Variants in DLC1 observed in about 807,000 individuals in gnomAD.
DLC1 encodes the protein rho GTPase-activating protein 7.
In DLC1, 54 loss-of-function variants were observed where a neutral mutation model predicts 140.3. That is an observed-to-expected ratio of 0.38 (90% CI 0.31 to 0.48). The LOEUF (loss-of-function observed/expected upper bound fraction) is 0.48, where lower values mean the gene tolerates loss of function less well. Ranked by LOEUF, DLC1 falls within the 20% of genes least tolerant of loss-of-function variation. The pLI is 0.96. For synonymous variants in DLC1, 986 were observed against 728.1 expected (o/e 1.35, Z -5.70); for missense variants, 2,536 against 1,907.0 (o/e 1.33, Z -6.14).
chr8:13,161,174 A>T (rs1214084846), intron 5 of DLC1, among the ~76,000 whole-genome samples: 1 of 152,210 alleles, frequency 6.6e-6, no homozygotes, highest in Non-Finnish European at 1.5e-5. Flanking sequence ...CCTCACCCAA[A>T]ATATACCACC....
rs74447454 is a variant in DLC1, at chr8:13,255,177, G to T, written c.1348+50092C>A. On this transcript the variant is annotated intron_variant, in intron 5 of 17. Coordinates refer to ENST00000276297, the MANE Select transcript of DLC1 (RefSeq NM_182643.3). ...GTAGAGATGGGTTTCTGCCATGTTT[G>T]CCAGGCTGGTCTCGAACTCCTGACC... is the stretch of plus-strand genomic sequence containing the variant. Among the ~76,000 whole-genome samples, 206 of 152,118 alleles carry T rather than the reference G, an allele frequency of 1.4e-3. 1 individual carries two copies. The East Asian group carries it at 0.027, about 20-fold the overall frequency.
At chr8:13,221,698 ATATGTGTGTGTATATGTGTGTGTGTGTG>A (rs1424944021) in intron 5 of DLC1, among the ~76,000 whole-genome samples, 17 of 118,628 alleles carry the variant, frequency 1.4e-4, no homozygotes, top group Admixed American at 8.8e-4. Context: ...GTGTGTGTGT[ATATGTGTGTGTATATGTGTGTGTGTGTG>A]TATATATATA....
At chr8:13,297,333 A>T (rs1047510980) in intron 5 of DLC1, among the ~76,000 whole-genome samples, 1 of 145,496 alleles carries the variant, frequency 6.9e-6, no homozygotes, top group African/African-American at 2.5e-5. Context: ...GTGTAAAAAT[A>T]ATGAAATTCA....
At chr8:13,482,046 T>G (rs920645471) in intron 2 of DLC1, among the ~76,000 whole-genome samples, 1 of 152,198 alleles carries the variant, frequency 6.6e-6, no homozygotes, top group Non-Finnish European at 1.5e-5. Context: ...GAGCTAACCC[T>G]GCCCACACCT....
intron 5 of DLC1, among the ~76,000 whole-genome samples, chr8:13,128,041 CAA>C (rs34983688): frequency 7.2e-6 from 1 of 138,564 alleles, no homozygotes; most frequent in Admixed American, 7.2e-5. Flanking sequence ...TCTAGTAGAA[CAA>C]AAAAAAAAAC....
intron 1 of DLC1, among the ~76,000 whole-genome samples, chr8:13,514,057 T>G (rs892542729): frequency 6.6e-6 from 1 of 152,112 alleles, no homozygotes; most frequent in Non-Finnish European, 1.5e-5. Context: ...TAAATGAACC[T>G]TTTAAGCTGT....
chr8:13,524,678 C>G (rs1802866823), intron 1 of DLC1, among the ~76,000 whole-genome samples: 1 of 151,568 alleles, frequency 6.6e-6, no homozygotes, highest in African/African-American at 2.4e-5. Flanking sequence ...TTTTTGTATA[C>G]TCTCATTTTC....
intron 5 of DLC1, among the ~76,000 whole-genome samples, chr8:13,198,721 CTT>C (rs56695508): frequency 7.8e-5 from 11 of 141,082 alleles, no homozygotes; most frequent in Non-Finnish European, 1.4e-4. Context: ...CTTGGCATGG[CTT>C]TTTTTTTTTT....
At chr8:13,209,440 C>T (rs531240874) in intron 5 of DLC1, among the ~76,000 whole-genome samples, 1 of 152,154 alleles carries the variant, frequency 6.6e-6, no homozygotes, top group Non-Finnish European at 1.5e-5. Context: ...TGGATGACTT[C>T]TGCTCATCAG....
chr8:13,263,154 G>C (rs1007452370), intron 5 of DLC1, among the ~76,000 whole-genome samples: 2 of 152,108 alleles, frequency 1.3e-5, no homozygotes, highest in Non-Finnish European at 2.9e-5. Flanking sequence ...CAGCAGGTTT[G>C]TCCACTTGTT....
At chr8:13,101,538 C>T (rs1440178052) in intron 8 of DLC1, among the ~76,000 whole-genome samples, 1 of 152,146 alleles carries the variant, frequency 6.6e-6, no homozygotes, top group Non-Finnish European at 1.5e-5. Context: ...TCTCTAGACA[C>T]TAAAAATGTA....
chr8:13,441,049 A>C (rs146721820), intron 2 of DLC1, among the ~76,000 whole-genome samples: 1 of 152,190 alleles, frequency 6.6e-6, no homozygotes, highest in Non-Finnish European at 1.5e-5. Context: ...TCAAATTTGT[A>C]ATATAACCTG....
At chr8:13,133,172 G>C (rs945578036) in intron 5 of DLC1, 102 of 1,436,428 alleles carry the variant, frequency 7.1e-5, no homozygotes, top group Non-Finnish European at 8.2e-5. Flanking sequence ...AGATCGAAAC[G>C]AGGGAGCGCT....
Position 13,513,735 on chromosome 8 carries a change from A to G in DLC1, c.-126+867T>C, listed in dbSNP as rs371651956. ...TAATATATTGTACATTTAAACATTT[A>G]AGATTACCTTGAAGAGACTACAGTC... is the stretch of plus-strand genomic sequence containing the variant. On this transcript the variant is annotated intron_variant, in intron 1 of 17. Transcript: ENST00000276297. 2.3e-3 allele frequency among the ~76,000 whole-genome samples: 355 copies of G among 152,286 alleles called. 10 individuals carry two copies. The South Asian group carries it at 0.066, about 28-fold the overall frequency.
intron 1 of DLC1, among the ~76,000 whole-genome samples, chr8:13,556,008 G>C (rs982054525): frequency 2.6e-5 from 4 of 152,134 alleles, no homozygotes; most frequent in Non-Finnish European, 4.4e-5. Context: ...CTGGTATATA[G>C]AGTGAAGAGA....
chr8:13,160,999 C>T (rs75571229), intron 5 of DLC1, among the ~76,000 whole-genome samples: 8,472 of 152,154 alleles, frequency 0.056, 305 homozygotes, highest in Non-Finnish European at 0.069. Flanking sequence ...GAGAATGGCA[C>T]GAACCCGGGA....
At chr8:13,185,099 A>G (rs1826276553) in intron 5 of DLC1, among the ~76,000 whole-genome samples, 1 of 143,788 alleles carries the variant, frequency 7.0e-6, no homozygotes, top group Admixed American at 7.0e-5. Flanking sequence ...CTGTTTTATC[A>G]GAGACTAGGA....
chr8:13,190,213 A>G (rs1239104269), intron 5 of DLC1, among the ~76,000 whole-genome samples: 1 of 152,148 alleles, frequency 6.6e-6, no homozygotes, highest in Non-Finnish European at 1.5e-5. Flanking sequence ...TTTACACTTT[A>G]TCCAAGGTGG....
At chr8:13,152,756 G>A (rs1224451665) in intron 5 of DLC1, among the ~76,000 whole-genome samples, 1 of 134,420 alleles carries the variant, frequency 7.4e-6, no homozygotes, top group Non-Finnish European at 1.5e-5. Flanking sequence ...GGTCAAGGCT[G>A]AAGCAAACCA....
Sources: allele counts gnomAD v4.1 joint callset (sites outside exome capture counted in the v4.1 genomes callset), GRCh38; gene constraint gnomAD v4.1.1; transcripts MANE v1.5; gene names NCBI Gene and HGNC (gene_info 2026-07-23, HGNC 2026-07-21).